PCDHGB6: variants seen among roughly 807,000 people sequenced by gnomAD.
PCDHGB6 encodes protocadherin gamma subfamily B, 6.
PCDHGB6 carries 51 observed loss-of-function variants against 59.1 expected under a neutral mutation model. The ratio of observed to expected loss-of-function variants is 0.86; its 90% CI spans 0.69 to 1.09. The LOEUF is 1.09. Among genes scored for constraint, PCDHGB6 ranks in the 50% least tolerant of loss-of-function variants. The probability of loss-of-function intolerance (pLI) is 0.00; values close to 1 mark genes in which losing one functional copy is unlikely to be tolerated. For missense variants in PCDHGB6, 1,148 were observed against 1,205.1 expected (o/e 0.95, Z 0.70); for synonymous variants, 466 against 495.1 (o/e 0.94, Z 0.78).
In PCDHGB6 at chr5:141,408,280, C is replaced by A; in HGVS notation, c.78C>A (p.Tyr26Ter). 4 of 1,612,648 alleles carry A rather than the reference C, an allele frequency of 2.5e-6. No individual in the cohort carries two copies. The highest frequency in any genetic ancestry group is 3.4e-6 in the Non-Finnish European group (4 of 1,179,182). The change falls in exon 1 of 4, where the codon TAC (tyrosine) becomes TAA (stop). Residue 26 changes from tyrosine (Y) to a stop codon, truncating the protein, a stop_gained. Transcript: ENST00000520790. LOFTEE classifies it high-confidence loss of function. ...VLFPLLLPLF[Y>*]PTLSEPIRYS... ...TTCCTTTGCTGCTGCCTTTGTTCTA[C>A]CCCACCCTGAGTGAGCCGATCCGCT...
intron 3 of PCDHGB6, chr5:141,506,955 C>T (rs1387377785): frequency 2.6e-5 from 4 of 152,362 alleles, no homozygotes; most frequent in South Asian, 2.1e-4. Context: ...AATGAATCCT[C>T]TCAATAGCTC....
At chr5:141,468,783 G>A (rs908838744) in intron 1 of PCDHGB6, among the ~76,000 whole-genome samples, 7 of 151,460 alleles carry the variant, frequency 4.6e-5, no homozygotes, top group South Asian at 2.1e-4. Context: ...GGAGAATGGC[G>A]TGAACCCGGG....
intron 1 of PCDHGB6, chr5:141,478,160 G>GC (rs764598056): frequency 3.7e-6 from 6 of 1,613,948 alleles, no homozygotes. Flanking sequence ...CTCTGGCTCT[G>GC]CCCCCCGGGA....
Position 141,477,689 on chromosome 5 carries a change from C to T in PCDHGB6, c.2419-17118C>T. The T allele has an allele frequency of 6.2e-7, 1 of 1,614,156 alleles. No individual in the cohort carries two copies. The highest frequency in any genetic ancestry group is 8.5e-7 in the Non-Finnish European group (1 of 1,180,024). ...TGGCATAGTGTCATCCTTAGTGCCC[C>T]TAGACTATGAGGATCGGCGGGAATT... On this transcript the variant is annotated intron_variant, in intron 1 of 3. Transcript: ENST00000520790. This position sits in a 1 kb window ranked among gnomAD's most constrained non-coding sequence, Gnocchi z 4.9.
chr5:141,486,894 C>T lies in PCDHGB6; in HGVS notation c.2419-7913C>T. 1 of 1,614,228 alleles carries T rather than the reference C, an allele frequency of 6.2e-7. No homozygotes were observed. Among genetic ancestry groups the T allele is most frequent in the Non-Finnish European group, 8.5e-7 (1 of 1,180,052 alleles). On this transcript the variant is annotated intron_variant, in intron 1 of 3. Transcript: ENST00000520790. The surrounding 1 kb of genome is among the most constrained non-coding windows in gnomAD (Gnocchi z 5.0). ...CTCCGTCCTCGGGCCCGGCCTGGTT[C>T]CTTATGTCCCCAAGCACTGCCTCCA...
Position 141,486,407 on chromosome 5 carries a change from C to T in PCDHGB6, c.2419-8400C>T. The T allele has an allele frequency of 6.2e-7, 1 of 1,614,134 alleles. No individual in the cohort carries two copies. Among genetic ancestry groups the T allele is most frequent in the African/African-American group, 1.3e-5 (1 of 75,046 alleles). ...CCAGTTCTCCCTGGTGACTGCTGGA[C>T]CCTTGGATCGAGAGGCCAAATCTAG... On this transcript the variant is annotated intron_variant, in intron 1 of 3. Coordinates refer to ENST00000520790, the MANE Select transcript of PCDHGB6 (RefSeq NM_018926.3). This position sits in a 1 kb window ranked among gnomAD's most constrained non-coding sequence, Gnocchi z 5.0.
Position 141,504,710 on chromosome 5 carries a change from G to A in PCDHGB6, c.2478-683G>A, listed in dbSNP as rs528205869. The stretch of plus-strand genomic sequence containing the variant: ...AGGAGGGGCAGGTTCTTCTATGGCC[G>A]TGGATTTTACTCTGAGGGCTTAGGA... On this transcript the variant is annotated intron_variant, in intron 2 of 3. Transcript: ENST00000520790. Among the ~76,000 whole-genome samples the A allele has an allele frequency of 1.4e-4, 21 of 151,968 alleles. No homozygotes were observed. The East Asian group carries it at 3.7e-3, about 27-fold the overall frequency.
At chr5:141,413,390 C>T (rs1373497766) in intron 1 of PCDHGB6, 1 of 1,614,010 alleles carries the variant, frequency 6.2e-7, no homozygotes, top group African/African-American at 1.3e-5. Context: ...CGCATAGTCT[C>T]CAGAGGTAGG....
chr5:141,410,847 G>GTATTTTTTT, intron 1 of PCDHGB6: 1 of 158,252 alleles, frequency 6.3e-6, no homozygotes, highest in African/African-American at 8.4e-5. Context: ...TTTTGTCTTT[G>GTATTTTTTT]TCTTTTTTTT....
At chr5:141,435,503 A>G (rs2097767522) in intron 1 of PCDHGB6, among the ~76,000 whole-genome samples, 1 of 152,170 alleles carries the variant, frequency 6.6e-6, no homozygotes, top group Non-Finnish European at 1.5e-5. Context: ...TACACTAATG[A>G]TACTAATGAT....
intron 1 of PCDHGB6, chr5:141,413,089 C>T: frequency 7.1e-7 from 1 of 1,401,124 alleles, no homozygotes; most frequent in Non-Finnish European, 9.7e-7. Context: ...TACAGAGACA[C>T]CCTGAAGCCA....
chr5:141,451,301 G>T (rs963686418), intron 1 of PCDHGB6, among the ~76,000 whole-genome samples: 3 of 152,196 alleles, frequency 2.0e-5, no homozygotes, highest in Non-Finnish European at 4.4e-5. Flanking sequence ...AGTCTTACAA[G>T]GCAGCAATTA....
chr5:141,461,639 C>T (rs1041604977), intron 1 of PCDHGB6, among the ~76,000 whole-genome samples: 12 of 152,088 alleles, frequency 7.9e-5, no homozygotes, highest in Non-Finnish European at 1.6e-4. Flanking sequence ...GCAATTTCTT[C>T]TTTGACCCAT....
chr5:141,431,273 C>T lies in PCDHGB6; in HGVS notation c.2418+20653C>T, dbSNP rs752219345. 54 of 1,614,068 alleles carry T rather than the reference C, an allele frequency of 3.3e-5. No individual in the cohort carries two copies. Among genetic ancestry groups the T allele is most frequent in the Non-Finnish European group, 4.1e-5 (48 of 1,180,052 alleles). On this transcript the variant is annotated intron_variant, in intron 1 of 3. Transcript: ENST00000520790. The surrounding 1 kb of genome is among the most constrained non-coding windows in gnomAD (Gnocchi z 4.8). Reference sequence around the variant, plus strand: ...GAAGAACTCTCTGCAGAGCTACGAGCTCAGCCCGAACACTCACTTCTCCCT... The same window carrying T: ...GAAGAACTCTCTGCAGAGCTACGAGTTCAGCCCGAACACTCACTTCTCCCT...
At chr5:141,466,528 T>C (rs1171715691) in intron 1 of PCDHGB6, among the ~76,000 whole-genome samples, 1 of 152,204 alleles carries the variant, frequency 6.6e-6, no homozygotes, top group African/African-American at 2.4e-5. Context: ...TCCTCCCAAA[T>C]TGATGTAGAT....
intron 1 of PCDHGB6, chr5:141,421,223 C>T: frequency 6.3e-7 from 1 of 1,580,314 alleles, no homozygotes. Context: ...GGCTTAGAGC[C>T]TGCCATGGCG....
At chr5:141,419,936 G>C in intron 1 of PCDHGB6, 1 of 1,614,074 alleles carries the variant, frequency 6.2e-7, no homozygotes, top group Non-Finnish European at 8.5e-7. Context: ...GTTTTACCTG[G>C]TGGTGGCCTT....
chr5:141,422,831 C>A (rs766457129), intron 1 of PCDHGB6: 11 of 1,614,242 alleles, frequency 6.8e-6, no homozygotes, highest in Non-Finnish European at 6.8e-6. Context: ...AGAGTGATAG[C>A]ACGTGACAGC....
chr5:141,477,180 C>T lies in PCDHGB6; in HGVS notation c.2419-17627C>T. On this transcript the variant is annotated intron_variant, in intron 1 of 3. Coordinates refer to ENST00000520790, the MANE Select transcript of PCDHGB6 (RefSeq NM_018926.3). This position sits in a 1 kb window ranked among gnomAD's most constrained non-coding sequence, Gnocchi z 4.9. ...GACAACGCCCCGGAGATCACAGTCA[C>T]CTCCGTGTACAGCCCAGTACCCGAG... 1 of 1,614,196 alleles carries T rather than the reference C, an allele frequency of 6.2e-7. No homozygotes were observed. The highest frequency in any genetic ancestry group is 8.5e-7 in the Non-Finnish European group (1 of 1,180,032).
Sources: gnomAD v4.1 joint callset for allele counts (sites outside exome capture counted in the v4.1 genomes callset) on GRCh38, gnomAD v4.1.1 for gene constraint, Gnocchi (gnomAD v3.1) non-coding constraint, MANE v1.5 for transcripts, NCBI Gene and HGNC (gene_info 2026-07-23, HGNC 2026-07-21) for gene names.